The following ZNF462 variants were observed in gnomAD, a reference collection of about 807,000 sequenced individuals.
The protein encoded by ZNF462 is zinc finger protein 462, also known as zinc finger PBX1-interacting protein.
A neutral mutation model predicts 201.9 loss-of-function variants in ZNF462; 10 were observed. That is an observed-to-expected ratio of 0.05 (90% CI 0.03 to 0.08). The LOEUF (loss-of-function observed/expected upper bound fraction) is 0.08. Ranked by LOEUF, ZNF462 falls within the 10% of genes least tolerant of loss-of-function variation. The pLI, the probability that ZNF462 is intolerant of heterozygous loss-of-function variation, is 1.00. For synonymous variants in ZNF462, 1,227 were observed against 1,193.3 expected, an observed-to-expected ratio of 1.03 and a Z score of -0.58; for missense variants, 2,523 against 3,168.3, an observed-to-expected ratio of 0.80 and a Z score of 4.89.
rs978301085 is a variant in ZNF462, at chr9:106,919,961, T to C, written c.-30-3393T>C. ...CCTCTTTTACTTTTGATTTTGCTGATTTTGGTGAGAAAAAATATTGCTAAT... is the reference window on the plus strand; with the variant it reads ...CCTCTTTTACTTTTGATTTTGCTGACTTTGGTGAGAAAAAATATTGCTAAT... On this transcript the variant is annotated intron_variant, in intron 1 of 12. Transcript: ENST00000277225. This position sits in a 1 kb window ranked among gnomAD's most constrained non-coding sequence, Gnocchi z 4.5. 1.3e-5 allele frequency among the ~76,000 whole-genome samples: 2 copies of C among 152,204 alleles called. No individual in the cohort carries two copies. Among genetic ancestry groups the C allele is most frequent in the Admixed American group, 1.3e-4 (2 of 15,282 alleles).
In ZNF462 at chr9:106,932,876, CA is replaced by C; in HGVS notation, c.6116+328del. On this transcript the variant is annotated intron_variant, in intron 5 of 12. Transcript: ENST00000277225. The surrounding 1 kb of genome is among the most constrained non-coding windows in gnomAD (Gnocchi z 6.8). ...TTCAAACATTCAGCCAAAATCTAGT[CA>C]TTGTTTGAGGAAGTAAAGTCCATTT... is the stretch of plus-strand genomic sequence containing the variant. 2.3e-6 allele frequency: 1 copy of C among 427,702 alleles called. No individual in the cohort carries two copies. Among genetic ancestry groups the C allele is most frequent in the Non-Finnish European group, 4.2e-6 (1 of 239,466 alleles). 26.5% of individuals were successfully genotyped at this position (427,702 alleles called of 1,614,324 possible).
chr9:106,991,430 TATTA>T (rs1294172951), intron 10 of ZNF462, among the ~76,000 whole-genome samples: 1 of 152,026 alleles, frequency 6.6e-6, no homozygotes, highest in African/African-American at 2.4e-5. Context: ...ATACCATGTT[TATTA>T]ATTAGGAGAC....
At position 106,928,172 on chromosome 9, in the gene ZNF462, C is replaced by T. The variant is rs1261320614; in HGVS notation, c.4260C>T (p.Ser1420=). 13 of 1,614,006 alleles carry T rather than the reference C, an allele frequency of 8.1e-6. No individual in the cohort carries two copies. The highest frequency in any genetic ancestry group is 1.6e-4 in the Middle Eastern group (1 of 6,084). Residue 1420 remains serine (S), a synonymous_variant, in exon 3 of 13, where the codon TCC becomes TCT. Coordinates refer to ENST00000277225, the MANE Select transcript of ZNF462 (RefSeq NM_021224.6). This position sits in a 1 kb window ranked among gnomAD's most constrained non-coding sequence, Gnocchi z 9.3. ...CTGTGGAGAAGCCCATTCTTTCATC[C>T]GAAGAGTTGGCAGGCCCTGTGAATT... The part of the protein sequence containing the change: ...KDAVEKPILS[S]EELAGPVNCE...
At chr9:106,976,256 G>T (rs1332298880) in intron 9 of ZNF462, 1 of 152,192 alleles carries the variant, frequency 6.6e-6, no homozygotes, top group Non-Finnish European at 1.5e-5. Flanking sequence ...ACAGTGGGCT[G>T]CAGATTTCGC....
chr9:106,951,802 G>A (rs1294876834), intron 7 of ZNF462, among the ~76,000 whole-genome samples: 2 of 151,420 alleles, frequency 1.3e-5, no homozygotes, highest in Non-Finnish European at 2.9e-5. Flanking sequence ...CCCTGGGGAA[G>A]CATCCAGATG....
chr9:106,974,118 CT>C lies in ZNF462; in HGVS notation c.6696-18del. ...TCCCTGGTTACACGCATCACCTCTCCTCCCAAACTCTCTCCTAGATCTGCTT... is the reference window on the plus strand; with the variant it reads ...TCCCTGGTTACACGCATCACCTCTCCCCCAAACTCTCTCCTAGATCTGCTT... On this transcript the variant is annotated intron_variant, in intron 8 of 12. Transcript: ENST00000277225. The surrounding 1 kb of genome is among the most constrained non-coding windows in gnomAD (Gnocchi z 4.0). The C allele has an allele frequency of 6.2e-7, 1 of 1,613,872 alleles. No homozygotes were observed. The highest frequency in any genetic ancestry group is 2.2e-5 in the East Asian group (1 of 44,846).
rs538001531 is a variant in ZNF462, at chr9:106,978,136, C to G, written c.6832+3863C>G. Among the ~76,000 whole-genome samples the G allele has an allele frequency of 1.5e-4, 22 of 151,666 alleles. 2 individuals carry two copies. The highest frequency in any genetic ancestry group is 5.1e-4 in the African/African-American group (21 of 40,940). On this transcript the variant is annotated intron_variant, in intron 9 of 12. Coordinates refer to ENST00000277225, the MANE Select transcript of ZNF462 (RefSeq NM_021224.6). The surrounding 1 kb of genome is among the most constrained non-coding windows in gnomAD (Gnocchi z 4.1). ...CATTGGGTTTAGGGCACACCCTAATCTAGTCTGGCCTTAACTGATTGCCAT... is the reference window on the plus strand; with the variant it reads ...CATTGGGTTTAGGGCACACCCTAATGTAGTCTGGCCTTAACTGATTGCCAT...
rs906798873 is a variant in ZNF462 at position 106,923,294 on chromosome 9, C to T, written c.-30-60C>T. 2.3e-6 allele frequency: 3 copies of T among 1,277,990 alleles called. No individual in the cohort carries two copies. In the African/African-American group the frequency reaches 4.4e-5, roughly 19 times the overall value. 79.2% of individuals were successfully genotyped at this position (1,277,990 alleles called of 1,614,324 possible). ...CCCATTAATGGATATATAGCCCCAT[C>T]AGCTCGAGGTATGTGATTAGTGCAT... is the stretch of plus-strand genomic sequence containing the variant. On this transcript the variant is annotated intron_variant, in intron 1 of 12. Coordinates refer to ENST00000277225, the MANE Select transcript of ZNF462 (RefSeq NM_021224.6). The surrounding 1 kb of genome is among the most constrained non-coding windows in gnomAD (Gnocchi z 5.6).
chr9:106,927,440 G>A lies in ZNF462; in HGVS notation c.3528G>A (p.Leu1176=). 1 of 1,613,742 alleles carries A rather than the reference G, an allele frequency of 6.2e-7. No individual in the cohort carries two copies. The highest frequency in any genetic ancestry group is 8.5e-7 in the Non-Finnish European group (1 of 1,179,938). The change falls in exon 3 of 13, where the codon CTG becomes CTA. Residue 1176 remains leucine (L), a synonymous_variant. Transcript: ENST00000277225. ...SPRPPAPIQQ[L]NRSSSERDGP... Reference sequence around the variant, plus strand: ...GGCCACCCGCCCCCATACAACAGCTGAACCGAAGCAGCTCTGAGAGAGATG... The same window carrying A: ...GGCCACCCGCCCCCATACAACAGCTAAACCGAAGCAGCTCTGAGAGAGATG...
chr9:107,009,726 AGGGG>A lies in ZNF462; in HGVS notation c.7313+59_7313+62del. ...CAAAGCAAGAGGTAGGGAGGGAGGG[AGGGG>A]CTCTTGTTTTGGTTCCCCTGACAGT... On this transcript the variant is annotated intron_variant, in intron 12 of 12. Coordinates refer to ENST00000277225, the MANE Select transcript of ZNF462 (RefSeq NM_021224.6). The surrounding 1 kb of genome is among the most constrained non-coding windows in gnomAD (Gnocchi z 6.1). The A allele has an allele frequency of 1.7e-6, 1 of 572,108 alleles. No individual in the cohort carries two copies. The highest frequency in any genetic ancestry group is 3.2e-6 in the Non-Finnish European group (1 of 309,026). 35.4% of individuals were successfully genotyped at this position (572,108 alleles called of 1,614,324 possible).
intron 7 of ZNF462, among the ~76,000 whole-genome samples, chr9:106,944,261 T>C (rs546108911): frequency 1.3e-5 from 2 of 152,298 alleles, no homozygotes; most frequent in South Asian, 4.1e-4. Context: ...GATTCAAAGA[T>C]GATATAGCGA....
chr9:106,924,045 TGAA>T lies in ZNF462; in HGVS notation c.221-84_221-82del. ...GCCTTTTGCATGTGATGTTTAGTAATGAAGAATAATTGGAATGGTACTGATTTG... is the reference window on the plus strand; with the variant it reads ...GCCTTTTGCATGTGATGTTTAGTAATGAATAATTGGAATGGTACTGATTTG... On this transcript the variant is annotated intron_variant, in intron 2 of 12. Transcript: ENST00000277225. This position sits in a 1 kb window ranked among gnomAD's most constrained non-coding sequence, Gnocchi z 6.2. 1 of 1,131,814 alleles carries T rather than the reference TGAA, an allele frequency of 8.8e-7. No individual in the cohort carries two copies. Among genetic ancestry groups the T allele is most frequent in the South Asian group, 1.6e-5 (1 of 63,072 alleles). The allele number at this position is 1,131,814 out of a possible 1,614,324, so 70.1% of individuals were successfully genotyped here.
chr9:106,925,710 T>C lies in ZNF462; in HGVS notation c.1798T>C (p.Tyr600His), dbSNP rs778141637. The stretch of plus-strand genomic sequence containing the variant: ...CACACAAGCCGCACCTCTGCACCCA[T>C]ACAAATGCACCATGTGTAATTACTC... ...PPTQAAPLHP[Y>H]KCTMCNYSTT... The change falls in exon 3 of 13, where the codon TAC becomes CAC. Residue 600 changes from tyrosine (Y) to histidine (H), a missense_variant. Transcript: ENST00000277225. The surrounding 1 kb of genome is among the most constrained non-coding windows in gnomAD (Gnocchi z 7.9). 20 of 1,614,074 alleles carry C rather than the reference T, an allele frequency of 1.2e-5. No individual in the cohort carries two copies. The highest frequency in any genetic ancestry group is 1.7e-5 in the Non-Finnish European group (20 of 1,180,024).
chr9:106,943,341 A>G lies in ZNF462; in HGVS notation c.6427+4234A>G, dbSNP rs537953543. 2.0e-5 allele frequency among the ~76,000 whole-genome samples: 3 copies of G among 152,236 alleles called. No homozygotes were observed. In the East Asian group the frequency reaches 5.8e-4, roughly 29 times the overall value. ...TGACAAACACTATTTTTATCAAGAC[A>G]TTTCTCATCAAGGAACCACATGTAC... On this transcript the variant is annotated intron_variant, in intron 7 of 12. Transcript: ENST00000277225.
At chr9:107,001,814 G>A (rs1382905465) in intron 10 of ZNF462, among the ~76,000 whole-genome samples, 2 of 152,064 alleles carry the variant, frequency 1.3e-5, no homozygotes, top group East Asian at 1.9e-4. Flanking sequence ...TGTTGTCTGC[G>A]TCTTGTCCAC....
rs2130958381 is a variant in ZNF462, at chr9:106,883,174, A to G, written c.-31+19819A>G. ...GTTAGTCCCAACCTCACTGAAGGACATATTCTGAAGAGCCAGCTCATTAAG... is the reference window on the plus strand; with the variant it reads ...GTTAGTCCCAACCTCACTGAAGGACGTATTCTGAAGAGCCAGCTCATTAAG... On this transcript the variant is annotated intron_variant, in intron 1 of 12. Transcript: ENST00000277225. The surrounding 1 kb of genome is among the most constrained non-coding windows in gnomAD (Gnocchi z 4.9). 6.6e-6 allele frequency among the ~76,000 whole-genome samples: 1 copy of G among 152,348 alleles called. No individual in the cohort carries two copies. Among genetic ancestry groups the G allele is most frequent in the Non-Finnish European group, 1.5e-5 (1 of 68,030 alleles).
At chr9:106,896,944 T>G (rs566986939) in intron 1 of ZNF462, among the ~76,000 whole-genome samples, 1 of 152,176 alleles carries the variant, frequency 6.6e-6, no homozygotes, top group Non-Finnish European at 1.5e-5. Context: ...ACCCACACAT[T>G]CCCTAAAATG....
chr9:106,925,814 G>A lies in ZNF462; in HGVS notation c.1902G>A (p.Gly634=), dbSNP rs759582171. 5.0e-6 allele frequency: 8 copies of A among 1,614,192 alleles called. No individual in the cohort carries two copies. Among genetic ancestry groups the A allele is most frequent in the Non-Finnish European group, 6.8e-6 (8 of 1,180,044 alleles). Residue 634 remains glycine (G), a synonymous_variant, in exon 3 of 13, where the codon GGG becomes GGA. Coordinates refer to ENST00000277225, the MANE Select transcript of ZNF462 (RefSeq NM_021224.6). The surrounding 1 kb of genome is among the most constrained non-coding windows in gnomAD (Gnocchi z 7.9). The stretch of plus-strand genomic sequence containing the variant: ...GTGACAACTTGCCAAAATTCGAGGG[G>A]CAGCCCTCAAGCCTACCATTGGAAA... ...SFCDNLPKFE[G]QPSSLPLENE... is the part of the protein sequence containing the mutation.
chr9:106,929,623 C>T lies in ZNF462; in HGVS notation c.5711C>T (p.Thr1904Ile), dbSNP rs772757782. ...CACTGTGATAGCAAACTGCAAAGCACAGCCGAGCTGACCTCACACTTGAAC... is the reference window on the plus strand; with the variant it reads ...CACTGTGATAGCAAACTGCAAAGCATAGCCGAGCTGACCTCACACTTGAAC... ...CKHCDSKLQS[T>I]AELTSHLNIH... Residue 1904 changes from threonine to isoleucine, a missense_variant, in exon 3 of 13, where the codon ACA becomes ATA. Around this residue, in one of 15 missense-constraint regions of ZNF462, gnomAD observed 207 missense variants for 231.6 expected, o/e 0.89. Coordinates refer to ENST00000277225, the MANE Select transcript of ZNF462 (RefSeq NM_021224.6). This position sits in a 1 kb window ranked among gnomAD's most constrained non-coding sequence, Gnocchi z 8.7. The T allele has an allele frequency of 8.7e-6, 14 of 1,614,106 alleles. No individual in the cohort carries two copies. The East Asian group carries it at 8.9e-5, about 10-fold the overall frequency.
Sources: gnomAD v4.1 joint callset for allele counts (sites outside exome capture counted in the v4.1 genomes callset) on GRCh38, gnomAD v4.1.1 for gene constraint, gnomAD v4.1.1 regional missense constraint, Gnocchi (gnomAD v3.1) non-coding constraint, MANE v1.5 for transcripts, NCBI Gene and HGNC (gene_info 2026-07-23, HGNC 2026-07-21) for gene names.